Variants in SLC4A2 observed in about 807,000 individuals in gnomAD.
SLC4A2 encodes solute carrier family 4 member 2.
Under a neutral mutation model 115.0 loss-of-function variants are expected in SLC4A2, and 36 were observed. The observed-to-expected ratio is 0.31, with a 90% CI of 0.24 to 0.41. The LOEUF is 0.41. SLC4A2 is among the 10% of genes least tolerant of loss of function. The pLI, the probability that SLC4A2 is intolerant of heterozygous loss-of-function variation, is 1.00. For synonymous variants in SLC4A2, 708 were observed against 708.3 expected (o/e 1.00, Z 0.01); for missense variants, 1,252 against 1,705.6 (o/e 0.73, Z 4.68).
rs761340739 is a variant in SLC4A2, at chr7:151,070,296, G to A, written c.1399G>A (p.Glu467Lys). 8.1e-6 allele frequency: 13 copies of A among 1,613,516 alleles called. No homozygotes were observed. The highest frequency in any genetic ancestry group is 2.2e-5 in the East Asian group (1 of 44,886). ...QGAESDPHVT[E>K]PLMGGVPETR... ...GGCTGAGAGTGACCCCCACGTCACC[G>A]AGCCTCTCATGGGAGGTGTTCCTGA... is the stretch of plus-strand genomic sequence containing the variant. Residue 467 changes from glutamate to lysine, a missense_variant, in exon 10 of 23, where the codon GAG becomes AAG. Physicochemically the swap from Glu to Lys is moderately conservative, Grantham distance 56 (BLOSUM62 1). Around this residue, in one of 14 missense-constraint regions of SLC4A2, gnomAD observed 142 missense variants for 153.5 expected, o/e 0.93. Coordinates refer to ENST00000413384, the MANE Select transcript of SLC4A2 (RefSeq NM_003040.4).
At chr7:151,063,077 C>T in intron 2 of SLC4A2, 1 of 1,519,984 alleles carries the variant, frequency 6.6e-7, no homozygotes. Context: ...GGGGCTGGAC[C>T]AAGGCTGCCT....
Position 151,074,737 on chromosome 7 carries a change from C to T in SLC4A2, c.2943C>T (p.Asn981=), listed in dbSNP as rs749084693. 3 of 1,613,098 alleles carry T rather than the reference C, an allele frequency of 1.9e-6. No individual in the cohort carries two copies. The highest frequency in any genetic ancestry group is 2.7e-5 in the African/African-American group (2 of 74,850). ...CAGAAAAGAGGGGCTGGGTCATCAA[C>T]CCCCTGGGAGAGAAGAGCCCCTTCC... ...TAPEKRGWVI[N]PLGEKSPFPV... The change falls in exon 19 of 23, where the codon AAC becomes AAT. Residue 981 remains asparagine, a synonymous_variant. Coordinates refer to ENST00000413384, the MANE Select transcript of SLC4A2 (RefSeq NM_003040.4).
intron 2 of SLC4A2, among the ~76,000 whole-genome samples, chr7:151,063,932 T>C (rs559318533): frequency 5.9e-5 from 9 of 152,230 alleles, no homozygotes; most frequent in African/African-American, 2.2e-4. Flanking sequence ...TTTCACCATG[T>C]TGGTCAGGCT....
At chr7:151,067,703 T>A (rs2150371384) in intron 7 of SLC4A2, among the ~76,000 whole-genome samples, 171 bp from the exon 8 acceptor site, 1 of 152,346 alleles carries the variant, frequency 6.6e-6, no homozygotes, top group South Asian at 2.1e-4. Context: ...CATTGGTTAG[T>A]CAGTTGTCCA....
In SLC4A2 at chr7:151,074,684, G is replaced by A. The variant is rs775992236; in HGVS notation, c.2890G>A (p.Val964Ile). 31 of 1,598,428 alleles carry A rather than the reference G, an allele frequency of 1.9e-5. 1 individual carries two copies. The highest frequency in any genetic ancestry group is 3.3e-5 in the South Asian group (3 of 90,254). The stretch of plus-strand genomic sequence containing the variant: ...TGTGTCTGCCCTGCAGAAGCTGAGC[G>A]TTCCCAGTGGATTCTCGGTGACTGC... ...IEDTYTQKLS[V>I]PSGFSVTAPE... The change falls in exon 19 of 23, where the codon GTT becomes ATT. Residue 964 changes from valine (V) to isoleucine (I), a missense_variant. Val to Ile is a conservative substitution (Grantham distance 29). Coordinates refer to ENST00000413384, the MANE Select transcript of SLC4A2 (RefSeq NM_003040.4).
At position 151,061,940 on chromosome 7, in the gene SLC4A2, C is replaced by T. The variant is rs1164412990; in HGVS notation, c.-48C>T. The T allele has an allele frequency of 3.2e-6, 5 of 1,582,858 alleles. No individual in the cohort carries two copies. The highest frequency in any genetic ancestry group is 1.7e-5 in the Admixed American group (1 of 58,732). On this transcript the variant is annotated 5_prime_UTR_variant, in exon 2 of 23. Transcript: ENST00000413384. ...CCCCATCCAGGTTATGCCTCCGCCT[C>T]GTTGCCCTGAAAGCCGCAGCGACAG...
chr7:151,067,632 CTTCTGACAGTTCT>C (rs1194077008), intron 7 of SLC4A2, among the ~76,000 whole-genome samples: 1 of 152,236 alleles, frequency 6.6e-6, no homozygotes, highest in Admixed American at 6.5e-5. Flanking sequence ...CCTTTTCATC[CTTCTGACAGTTCT>C]TTGAGGTGGG....
At chr7:151,065,688 A>G (rs555593475) in intron 5 of SLC4A2, among the ~76,000 whole-genome samples, 2 of 152,358 alleles carry the variant, frequency 1.3e-5, no homozygotes, top group East Asian at 3.9e-4. Flanking sequence ...ACCGTGGCAC[A>G]GATGCGGGCG....
intron 2 of SLC4A2, 134 bp from the exon 3 acceptor site, chr7:151,064,068 A>G: frequency 1.2e-6 from 1 of 827,018 alleles, no homozygotes; most frequent in Non-Finnish European, 1.9e-6. Context: ...GGGGGCATAT[A>G]GAGCCACCAG....
At chr7:151,063,054 C>G in intron 2 of SLC4A2, 1 of 1,483,180 alleles carries the variant, frequency 6.7e-7, no homozygotes, top group East Asian at 2.7e-5. Flanking sequence ...GAGCTGAGAC[C>G]GTGGGTGGGT....
intron 8 of SLC4A2, 24 bp from the exon 9 acceptor site, chr7:151,069,923 G>A (rs1237512060): frequency 1.2e-6 from 2 of 1,613,440 alleles, no homozygotes; most frequent in Non-Finnish European, 1.7e-6. Context: ...GGGCTGAGGG[G>A]CCCTCTGTGC....
intron 5 of SLC4A2, among the ~76,000 whole-genome samples, chr7:151,066,255 T>G (rs13246833): frequency 0.15 from 22,702 of 152,294 alleles, 2,090 homozygotes; most frequent in South Asian, 0.27. Context: ...TGAGGAGCAG[T>G]TGACGTTCGC....
At position 151,071,865 on chromosome 7, in the gene SLC4A2, C is replaced by T; in HGVS notation, c.2340+28C>T. 6.2e-7 allele frequency: 1 copy of T among 1,600,636 alleles called. No individual in the cohort carries two copies. The stretch of plus-strand genomic sequence containing the variant: ...GAGGGCTCTTCTCGCCCATCTCCAG[C>T]CGCCCCTCCCGTGCCCTAGACACCT... On this transcript the variant is annotated intron_variant, in intron 15 of 22. Transcript: ENST00000413384. The surrounding 1 kb of genome is among the most constrained non-coding windows in gnomAD (Gnocchi z 5.5).
Position 151,066,837 on chromosome 7 carries a change from C to T in SLC4A2, c.824-14C>T. On this transcript the variant is annotated splice_polypyrimidine_tract_variant and intron_variant, in intron 6 of 22. Transcript: ENST00000413384. ...AGAAAGGGGGAGCCCAACCTTGGTC[C>T]TCTGCCCCCACAGGTCACCGGTTTG... 1 of 1,608,060 alleles carries T rather than the reference C, an allele frequency of 6.2e-7. No individual in the cohort carries two copies. The highest frequency in any genetic ancestry group is 8.5e-7 in the Non-Finnish European group (1 of 1,177,170).
At position 151,070,120 on chromosome 7, in the gene SLC4A2, C is replaced by T. The variant is rs569575376; in HGVS notation, c.1283+38C>T. 5.6e-6 allele frequency: 9 copies of T among 1,613,846 alleles called. No homozygotes were observed. The East Asian group carries it at 8.9e-5, about 16-fold the overall frequency. ...GGGCCAGTTGGGGATGACACTTCAG[C>T]CCACCTGCCCTGGCCCTTGTCATTG... On this transcript the variant is annotated intron_variant, in intron 9 of 22. Transcript: ENST00000413384.
In SLC4A2 at chr7:151,076,158, G is replaced by C. The variant is rs761050453; in HGVS notation, c.3617G>C (p.Arg1206Pro). ...TVPLRMVVLT[R>P]IFTDREMKCL... ...CCGCTCCGCATGGTGGTGCTCACCC[G>C]TATCTTCACCGACCGAGAGATGAAA... Residue 1206 changes from arginine to proline, a missense_variant, in exon 22 of 23, where the codon CGT becomes CCT. Arg to Pro is a moderately radical substitution (Grantham distance 103). This residue lies in a region of SLC4A2 where 52 missense variants were observed against 40.6 expected (regional missense o/e 1.28). Coordinates refer to ENST00000413384, the MANE Select transcript of SLC4A2 (RefSeq NM_003040.4). 1.2e-6 allele frequency: 2 copies of C among 1,610,596 alleles called. No individual in the cohort carries two copies. Among genetic ancestry groups the C allele is most frequent in the Admixed American group, 3.3e-5 (2 of 60,008 alleles).
At position 151,071,395 on chromosome 7, in the gene SLC4A2, C is replaced by T; in HGVS notation, c.1981C>T (p.Leu661=). 1.3e-6 allele frequency: 2 copies of T among 1,594,636 alleles called. No individual in the cohort carries two copies. The highest frequency in any genetic ancestry group is 1.7e-6 in the Non-Finnish European group (2 of 1,175,372). The part of the protein sequence containing the change: ...EPKSAQDKAL[L]QMVEAAGAAE... ...GACGGAGGCCTGGGTTGCAGCGCTC[C>T]TGCAGATGGTAGAGGCGGCAGGGGC... The change falls in exon 14 of 23, where the codon CTG becomes TTG. Residue 661 remains leucine, a synonymous_variant. Coordinates refer to ENST00000413384, the MANE Select transcript of SLC4A2 (RefSeq NM_003040.4). The surrounding 1 kb of genome is among the most constrained non-coding windows in gnomAD (Gnocchi z 5.5).
chr7:151,066,325 G>A (rs1048375927), intron 5 of SLC4A2, among the ~76,000 whole-genome samples, 192 bp from the exon 6 acceptor site: 1 of 152,248 alleles, frequency 6.6e-6, no homozygotes, highest in African/African-American at 2.4e-5. Flanking sequence ...AGAAAAGGGT[G>A]GAGCTGGGGT....
In SLC4A2 at chr7:151,074,380, G is replaced by A. The variant is rs372387355; in HGVS notation, c.2791-19G>A. On this transcript the variant is annotated intron_variant, in intron 17 of 22. Coordinates refer to ENST00000413384, the MANE Select transcript of SLC4A2 (RefSeq NM_003040.4). ...CGGCTGTGGTGGCAGGACTCTGAGC[G>A]CTGTGCCTGCCCACTCAGATCCGGC... is the stretch of plus-strand genomic sequence containing the variant. 5.7e-5 allele frequency: 92 copies of A among 1,612,764 alleles called. No individual in the cohort carries two copies. The highest frequency in any genetic ancestry group is 7.2e-5 in the Non-Finnish European group (85 of 1,179,772).
Sources: allele counts gnomAD v4.1 joint callset (sites outside exome capture counted in the v4.1 genomes callset), GRCh38; gene constraint gnomAD v4.1.1; regional missense constraint gnomAD v4.1.1; non-coding constraint Gnocchi (gnomAD v3.1); transcripts MANE v1.5; gene names NCBI Gene and HGNC (gene_info 2026-07-23, HGNC 2026-07-21).